Variants in MTMR14 observed in about 807,000 individuals in gnomAD.
MTMR14 encodes the protein phosphatidylinositol-3,5-bisphosphate 3-phosphatase MTMR14.
In MTMR14, 48 loss-of-function variants were observed where a neutral mutation model predicts 86.3. The ratio of observed to expected loss-of-function variants is 0.56; its 90% confidence interval spans 0.44 to 0.71. The LOEUF (loss-of-function observed/expected upper bound fraction) is 0.71, where lower values mean the gene tolerates loss of function less well. MTMR14 is among the 30% of genes least tolerant of loss of function. MTMR14 has a pLI of 0.00. For synonymous variants in MTMR14, 366 were observed against 326.1 expected (o/e 1.12, Z -1.32); for missense variants, 780 against 834.6 (o/e 0.93, Z 0.81).
At position 9,653,700 on chromosome 3, in the gene MTMR14, A is replaced by C; in HGVS notation, c.239A>C (p.Asp80Ala). The change falls in exon 2 of 19, where the codon GAT becomes GCT. Residue 80 changes from aspartate to alanine, a missense_variant. Asp to Ala is a moderately radical substitution (Grantham distance 126). Transcript: ENST00000296003. Reference protein sequence around the residue: ...CFSVIPNTNGDICGHYPRHIV... With the variant: ...CFSVIPNTNGAICGHYPRHIV... ...AGCGTGATTCCAAACACGAATGGGG[A>C]TATCTGTGGCCACTATCCCCGGCAC... 1 of 1,614,062 alleles carries C rather than the reference A, an allele frequency of 6.2e-7. No homozygotes were observed. The highest frequency in any genetic ancestry group is 8.5e-7 in the Non-Finnish European group (1 of 1,180,028).
chr3:9,672,656 CTG>C, intron 6 of MTMR14, 27 bp from the exon 7 acceptor site: 1 of 1,582,610 alleles, frequency 6.3e-7, no homozygotes, highest in Non-Finnish European at 8.7e-7. Flanking sequence ...TGTTGCGACA[CTG>C]TAACACATTG....
chr3:9,690,536 G>C (rs74544833), intron 17 of MTMR14, among the ~76,000 whole-genome samples: 3,161 of 152,320 alleles, frequency 0.021, 52 homozygotes, highest in Non-Finnish European at 0.034. Flanking sequence ...TGGTGGGGCA[G>C]TGAGAACAGT....
intron 2 of MTMR14, among the ~76,000 whole-genome samples, chr3:9,657,712 G>C (rs961663418): frequency 6.6e-6 from 1 of 151,964 alleles, no homozygotes; most frequent in Non-Finnish European, 1.5e-5. Flanking sequence ...CACCATGCCC[G>C]GCCAATTTTT....
chr3:9,686,031 C>T (rs903763535), intron 13 of MTMR14, among the ~76,000 whole-genome samples: 6 of 152,162 alleles, frequency 3.9e-5, no homozygotes, highest in Non-Finnish European at 5.9e-5. Context: ...CCCCCACTCC[C>T]CCATTTTCCC....
At chr3:9,694,748 G>A (rs1389515899) in intron 17 of MTMR14, among the ~76,000 whole-genome samples, 1 of 152,188 alleles carries the variant, frequency 6.6e-6, no homozygotes. Flanking sequence ...AGCTCGGTTT[G>A]TGTGAGTATT....
chr3:9,668,996 C>T (rs1268138390), intron 4 of MTMR14, among the ~76,000 whole-genome samples: 1 of 151,988 alleles, frequency 6.6e-6, no homozygotes, highest in Non-Finnish European at 1.5e-5. Flanking sequence ...AAAAATTTGC[C>T]GGGTGTGGTG....
intron 2 of MTMR14, chr3:9,659,876 T>C: frequency 2.2e-6 from 1 of 454,972 alleles, no homozygotes; most frequent in South Asian, 1.6e-5. Flanking sequence ...CAGGGGTGTT[T>C]TGTTTGTTTG....
At chr3:9,652,491 G>A (rs1296249321) in intron 1 of MTMR14, among the ~76,000 whole-genome samples, 3 of 152,026 alleles carry the variant, frequency 2.0e-5, no homozygotes, top group African/African-American at 4.8e-5. Context: ...ACTGGCTCAC[G>A]CGTGTAATCC....
chr3:9,699,114 G>A (rs1049435411), intron 18 of MTMR14, among the ~76,000 whole-genome samples: 4 of 151,348 alleles, frequency 2.6e-5, no homozygotes, highest in African/African-American at 4.9e-5. Context: ...GGAGGTTGCC[G>A]TGAGTCGAGA....
At chr3:9,689,694 A>T (rs557978055) in intron 16 of MTMR14, among the ~76,000 whole-genome samples, 1 of 152,258 alleles carries the variant, frequency 6.6e-6, no homozygotes, top group East Asian at 2.0e-4. Context: ...TGCATAACAT[A>T]TGGAGGTGGG....
At chr3:9,649,882 G>C (rs1312765959) in intron 1 of MTMR14, 140 bp downstream of exon 1, 28 of 1,528,444 alleles carry the variant, frequency 1.8e-5, no homozygotes, top group Non-Finnish European at 2.5e-5. Context: ...GAGTTCTCCA[G>C]GGTCTGTATC....
chr3:9,649,664 G>T lies in MTMR14; in HGVS notation c.81G>T (p.Leu27=). ...ASSGNQPPQE[L]GLGELLEEFS... ...CAGGCAACCAGCCGCCTCAGGAGCT[G>T]GGGCTTGGGGAGCTGCTGGAGGAGT... Residue 27 remains leucine, a synonymous_variant, in exon 1 of 19, where the codon CTG becomes CTT. Transcript: ENST00000296003. The T allele has an allele frequency of 6.2e-7, 1 of 1,602,272 alleles. No homozygotes were observed. The highest frequency in any genetic ancestry group is 8.5e-7 in the Non-Finnish European group (1 of 1,174,886).
chr3:9,689,343 G>A (rs1391830071), intron 16 of MTMR14, among the ~76,000 whole-genome samples: 4 of 152,212 alleles, frequency 2.6e-5, no homozygotes, highest in African/African-American at 9.7e-5. Flanking sequence ...GTAGGGCAGG[G>A]GTCTGGGGAG....
At chr3:9,685,550 C>G (rs555783963) in intron 13 of MTMR14, among the ~76,000 whole-genome samples, 2 of 152,304 alleles carry the variant, frequency 1.3e-5, no homozygotes, top group East Asian at 3.9e-4. Context: ...TCTCTCTGCT[C>G]AGCTCTGGAA....
chr3:9,662,193 G>A lies in MTMR14; in HGVS notation c.309-74G>A, dbSNP rs972035045. 11 of 1,063,882 alleles carry A rather than the reference G, an allele frequency of 1.0e-5. No homozygotes were observed. In the Admixed American group the frequency reaches 1.2e-4, roughly 12 times the overall value. The allele number at this position is 1,063,882 out of a possible 1,614,324, so 65.9% of individuals were successfully genotyped here. On this transcript the variant is annotated intron_variant, in intron 2 of 18. Transcript: ENST00000296003. ...GTACACAGATCTAGTATGGGGGTCTGTGTGAATAAACACATATACACAAAG... is the reference window on the plus strand; with the variant it reads ...GTACACAGATCTAGTATGGGGGTCTATGTGAATAAACACATATACACAAAG...
intron 5 of MTMR14, 123 bp from the exon 6 acceptor site, chr3:9,670,925 A>G: frequency 1.5e-6 from 2 of 1,298,956 alleles, no homozygotes. Context: ...CCATGCGTCC[A>G]CCTAGCACAC....
In MTMR14 at chr3:9,668,781, C is replaced by T. The variant is rs375826804; in HGVS notation, c.480C>T (p.Asn160=). The T allele has an allele frequency of 1.5e-4, 237 of 1,614,156 alleles. 1 individual carries two copies. In the African/African-American group the frequency reaches 2.7e-3, roughly 19 times the overall value. ...AGCTGTATGGACGCTCAGGCTACAA[C>T]TATTTTTTCTCAGGTGAATGTTGAA... ...WGELYGRSGY[N]YFFSGGADDA... is the part of the protein sequence containing the mutation. Residue 160 remains asparagine (N), a synonymous_variant, in exon 4 of 19, where the codon AAC becomes AAT. Transcript: ENST00000296003.
chr3:9,684,076 G>C (rs1315504303), intron 10 of MTMR14, among the ~76,000 whole-genome samples: 1 of 152,180 alleles, frequency 6.6e-6, no homozygotes, highest in African/African-American at 2.4e-5. Context: ...CTAGCTGCGG[G>C]CATTAGCACC....
chr3:9,664,053 T>C (rs2048108654), intron 3 of MTMR14, among the ~76,000 whole-genome samples: 1 of 150,968 alleles, frequency 6.6e-6, no homozygotes, highest in African/African-American at 2.4e-5. Context: ...CCTCCCAAAG[T>C]GCTGGGACTA....
Sources: gnomAD v4.1 joint callset for allele counts (sites outside exome capture counted in the v4.1 genomes callset) on GRCh38, gnomAD v4.1.1 for gene constraint, MANE v1.5 for transcripts, NCBI Gene and HGNC (gene_info 2026-07-23, HGNC 2026-07-21) for gene names.